PRPF8: variants seen among roughly 807,000 people sequenced by gnomAD.
PRPF8 encodes pre-mRNA processing factor 8, also known as pre-mRNA-processing-splicing factor 8.
Under a neutral mutation model 285.9 loss-of-function variants are expected in PRPF8, and 64 were observed. The ratio of observed to expected loss-of-function variants is 0.22; its 90% CI spans 0.18 to 0.28. PRPF8 has a LOEUF of 0.28. Among genes scored for constraint, PRPF8 ranks in the 10% least tolerant of loss-of-function variants. The pLI, the probability that PRPF8 is intolerant of heterozygous loss-of-function variation, is 1.00. For synonymous variants in PRPF8, 1,325 were observed against 1,118.2 expected, an observed-to-expected ratio of 1.18 and a Z score of -3.69; for missense variants, 1,426 against 3,026.7, an observed-to-expected ratio of 0.47 and a Z score of 12.41.
Position 1,656,635 on chromosome 17 carries a change from C to T in PRPF8, c.5619+13G>A. The T allele has an allele frequency of 6.2e-7, 1 of 1,613,946 alleles. No homozygotes were observed. Among genetic ancestry groups the T allele is most frequent in the Non-Finnish European group, 8.5e-7 (1 of 1,179,904 alleles). Reference sequence around the variant, plus strand: ...CAAGGTCTCTTTTCTCCTACCCCACCCCACCCTCTTACCTCCAGTGGGTCC... The same window carrying T: ...CAAGGTCTCTTTTCTCCTACCCCACTCCACCCTCTTACCTCCAGTGGGTCC... On this transcript the variant is annotated intron_variant, in intron 35 of 42. Transcript: ENST00000304992.
At position 1,684,763 on chromosome 17, in the gene PRPF8, A is replaced by T. The variant is rs1184789781; in HGVS notation, c.-12+17T>A. On this transcript the variant is annotated intron_variant, in intron 1 of 42. Coordinates refer to ENST00000304992, the MANE Select transcript of PRPF8 (RefSeq NM_006445.4). ...ACCACGCCTCCCGCAGCCCGGCCTTAAACGCCTGCCACGCACCCCACAGGC... is the reference window on the plus strand; with the variant it reads ...ACCACGCCTCCCGCAGCCCGGCCTTTAACGCCTGCCACGCACCCCACAGGC... The T allele has an allele frequency of 4.7e-6, 3 of 640,810 alleles. No homozygotes were observed. The highest frequency in any genetic ancestry group is 8.4e-6 in the Non-Finnish European group (3 of 357,954). 39.7% of individuals were successfully genotyped at this position (640,810 alleles called of 1,614,324 possible).
At chr17:1,657,290 A>T (rs1243502826) in intron 34 of PRPF8, among the ~76,000 whole-genome samples, 3 of 152,184 alleles carry the variant, frequency 2.0e-5, no homozygotes, top group Non-Finnish European at 4.4e-5. Flanking sequence ...GCTAAAGAAG[A>T]GTTAATTCAG....
chr17:1,679,302 A>G lies in PRPF8; in HGVS notation c.1398T>C (p.Ala466=). 1 of 1,614,126 alleles carries G rather than the reference A, an allele frequency of 6.2e-7. No homozygotes were observed. Among genetic ancestry groups the G allele is most frequent in the Non-Finnish European group, 8.5e-7 (1 of 1,180,020 alleles). The change falls in exon 10 of 43, where the codon GCT becomes GCC. Residue 466 remains alanine, a synonymous_variant. Transcript: ENST00000304992. The surrounding 1 kb of genome is among the most constrained non-coding windows in gnomAD (Gnocchi z 4.7). The part of the protein sequence containing the change: ...LNALKHRPPK[A]QKKRYLFRSF... Reference sequence around the variant, plus strand: ...CTGGGGCACCTTACCTCTTCTTTTGAGCCTTAGGGGGCCGATGCTTCAGGG... The same window carrying G: ...CTGGGGCACCTTACCTCTTCTTTTGGGCCTTAGGGGGCCGATGCTTCAGGG...
chr17:1,665,179 AAG>A (rs1253077620), intron 24 of PRPF8, among the ~76,000 whole-genome samples: 9 of 150,914 alleles, frequency 6.0e-5, no homozygotes, highest in African/African-American at 1.9e-4. Flanking sequence ...AAAAAAAAAA[AAG>A]GGAGGAATGC....
intron 37 of PRPF8, chr17:1,654,962 T>TTTG: frequency 5.6e-6 from 1 of 179,826 alleles, no homozygotes; most frequent in South Asian, 1.1e-4. Flanking sequence ...AAACGTCTTT[T>TTTG]TTTTTTTTTT....
chr17:1,653,427 A>T lies in PRPF8; in HGVS notation c.6369+115T>A. 1.4e-6 allele frequency: 2 copies of T among 1,419,288 alleles called. No homozygotes were observed. Among genetic ancestry groups the T allele is most frequent in the South Asian group, 1.2e-5 (1 of 84,784 alleles). 87.9% of individuals were successfully genotyped at this position (1,419,288 alleles called of 1,614,324 possible). A position where few individuals can be genotyped will look rare whatever the true frequency, so the allele number is the denominator to read the frequency against. ...TTGTTTTGGCTATCCTTGTATAATT[A>T]CTCATCCATGAATCTTGAAACCAGC... On this transcript the variant is annotated intron_variant, in intron 39 of 42. Transcript: ENST00000304992. The surrounding 1 kb of genome is among the most constrained non-coding windows in gnomAD (Gnocchi z 4.9).
chr17:1,674,373 T>A, intron 21 of PRPF8, 69 bp downstream of exon 21: 15 of 1,421,714 alleles, frequency 1.1e-5, no homozygotes, highest in Admixed American at 3.4e-5. Context: ...TCAGGTACAA[T>A]AGCTGATTTC....
chr17:1,682,413 C>A, intron 3 of PRPF8, 120 bp from the exon 4 acceptor site: 2 of 1,325,248 alleles, frequency 1.5e-6, no homozygotes, highest in Non-Finnish European at 2.1e-6. Context: ...AACTCCCAAA[C>A]TTAGCCCACA....
At chr17:1,652,457 T>C (rs7212918) in intron 39 of PRPF8, among the ~76,000 whole-genome samples, 10,478 of 152,312 alleles carry the variant, frequency 0.069, 1,251 homozygotes, top group African/African-American at 0.24. Context: ...CAAGCTGGTC[T>C]TGAACTCCTG....
chr17:1,668,010 C>T (rs1338440879), intron 24 of PRPF8, among the ~76,000 whole-genome samples: 1 of 152,218 alleles, frequency 6.6e-6, no homozygotes, highest in Non-Finnish European at 1.5e-5. Context: ...ATATGGCTTA[C>T]TAAATACCCC....
Position 1,661,069 on chromosome 17 carries a change from G to A in PRPF8, c.4432C>T (p.Leu1478=), listed in dbSNP as rs1911658543. Residue 1478 remains leucine, a synonymous_variant, in exon 28 of 43, where the codon CTG becomes TTG. Transcript: ENST00000304992. The surrounding 1 kb of genome is among the most constrained non-coding windows in gnomAD (Gnocchi z 7.3). ...NNYRTDMIQA[L]GGVEGILEHT... Reference sequence around the variant, plus strand: ...TCCAGAATGCCTTCCACACCGCCCAGGGCCTGGATCATGTCTGTACGGTAG... The same window carrying A: ...TCCAGAATGCCTTCCACACCGCCCAAGGCCTGGATCATGTCTGTACGGTAG... The A allele has an allele frequency of 1.2e-6, 2 of 1,614,074 alleles. No individual in the cohort carries two copies. Among genetic ancestry groups the A allele is most frequent in the African/African-American group, 2.7e-5 (2 of 74,930 alleles).
intron 24 of PRPF8, among the ~76,000 whole-genome samples, chr17:1,667,111 C>A (rs574107839): frequency 6.6e-6 from 1 of 151,664 alleles, no homozygotes; most frequent in African/African-American, 2.4e-5. Context: ...AGGCGGGGGT[C>A]GCAGTGAGCT....
In PRPF8 at chr17:1,675,202, T is replaced by C; in HGVS notation, c.3010A>G (p.Asn1004Asp). 1.2e-6 allele frequency: 2 copies of C among 1,614,184 alleles called. No individual in the cohort carries two copies. Among genetic ancestry groups the C allele is most frequent in the Non-Finnish European group, 1.7e-6 (2 of 1,180,044 alleles). ...NRLLRLIVDH[N>D]IADYMTAKNN... ...TTGGCTGTCATGTAGTCGGCTATGT[T>C]GTGGTCCACGATGAGGCGCAGCAGC... The change falls in exon 20 of 43, where the codon AAC becomes GAC. Residue 1004 changes from asparagine to aspartate, a missense_variant. Transcript: ENST00000304992. The surrounding 1 kb of genome is among the most constrained non-coding windows in gnomAD (Gnocchi z 6.0).
chr17:1,654,099 G>A, intron 37 of PRPF8, 83 bp from the exon 38 acceptor site: 5 of 1,601,796 alleles, frequency 3.1e-6, no homozygotes, highest in Non-Finnish European at 4.3e-6. Context: ...TAACTTGGTA[G>A]GACAGGACAG....
intron 24 of PRPF8, among the ~76,000 whole-genome samples, chr17:1,667,175 A>G (rs200231544): frequency 0.047 from 7,115 of 151,990 alleles, 481 homozygotes; most frequent in African/African-American, 0.15. Flanking sequence ...TCCCTCTCAA[A>G]AAAAAAAAGG....
chr17:1,683,138 G>C, intron 3 of PRPF8: 1 of 315,746 alleles, frequency 3.2e-6, no homozygotes, highest in Admixed American at 4.3e-5. Flanking sequence ...TGGGACTACA[G>C]ACACCTGCCA....
At chr17:1,667,294 G>A (rs1013506819) in intron 24 of PRPF8, among the ~76,000 whole-genome samples, 4 of 152,174 alleles carry the variant, frequency 2.6e-5, no homozygotes, top group African/African-American at 4.8e-5. Flanking sequence ...TGTGTGTAAT[G>A]GAACACAGTA....
At chr17:1,668,637 C>T (rs535179716) in intron 24 of PRPF8, among the ~76,000 whole-genome samples, 3 of 152,184 alleles carry the variant, frequency 2.0e-5, no homozygotes, top group African/African-American at 7.2e-5. Flanking sequence ...GCTGGGATTA[C>T]AGGTATGAGC....
At chr17:1,674,296 A>C in intron 21 of PRPF8, 146 bp downstream of exon 21, 2 of 870,238 alleles carry the variant, frequency 2.3e-6, no homozygotes, top group East Asian at 4.8e-5. Flanking sequence ...TGCTGGGATT[A>C]CAGGCGTGAG....
Sources: gnomAD v4.1 joint callset for allele counts (sites outside exome capture counted in the v4.1 genomes callset) on GRCh38, gnomAD v4.1.1 for gene constraint, Gnocchi (gnomAD v3.1) non-coding constraint, MANE v1.5 for transcripts, NCBI Gene and HGNC (gene_info 2026-07-23, HGNC 2026-07-21) for gene names.